The following FAM13B variants were observed in gnomAD, a reference collection of about 807,000 sequenced individuals.
The protein encoded by FAM13B is family with sequence similarity 13 member B, also known as protein FAM13B.
A neutral mutation model predicts 117.3 loss-of-function variants in FAM13B; 60 were observed. The observed-to-expected ratio is 0.51, with a 90% CI of 0.42 to 0.63. The LOEUF (loss-of-function observed/expected upper bound fraction) is 0.63. Ranked by LOEUF, FAM13B falls within the 30% of genes least tolerant of loss-of-function variation. The probability of loss-of-function intolerance (pLI) is 0.00; values close to 1 mark genes in which losing one functional copy is unlikely to be tolerated. For missense variants in FAM13B, 972 were observed against 1,091.9 expected (o/e 0.89, Z 1.55); for synonymous variants, 332 against 356.1 (o/e 0.93, Z 0.76).
At chr5:137,981,075 C>A (rs904850507) in intron 10 of FAM13B, among the ~76,000 whole-genome samples, 4 of 98,692 alleles carry the variant, frequency 4.1e-5, no homozygotes, top group African/African-American at 1.6e-4. Flanking sequence ...CTACACCTGG[C>A]TATTTTTTTT....
At chr5:137,975,980 C>CT (rs57478594) in intron 10 of FAM13B, among the ~76,000 whole-genome samples, 15 of 110,190 alleles carry the variant, frequency 1.4e-4, no homozygotes, top group African/African-American at 4.4e-4. Flanking sequence ...TCAACTCTTC[C>CT]TTTTTTTTTT....
At chr5:137,958,963 T>A (rs992434508) in intron 13 of FAM13B, among the ~76,000 whole-genome samples, 1 of 152,238 alleles carries the variant, frequency 6.6e-6, no homozygotes, top group Non-Finnish European at 1.5e-5. Context: ...GTTCAGCATT[T>A]GTTTACAGTT....
chr5:137,991,089 A>G (rs1211669639), intron 7 of FAM13B, among the ~76,000 whole-genome samples: 4 of 152,290 alleles, frequency 2.6e-5, no homozygotes, highest in Non-Finnish European at 5.9e-5. Flanking sequence ...TCTCTGTAGC[A>G]TTTTTCCAAT....
intron 10 of FAM13B, among the ~76,000 whole-genome samples, chr5:137,963,650 C>A (rs1001139551): frequency 1.3e-5 from 2 of 152,134 alleles, no homozygotes; most frequent in African/African-American, 4.8e-5. Context: ...GTCCCCAACC[C>A]CTGGACCGGT....
rs1180976369 is a variant in FAM13B, at chr5:137,985,329, A to G, written c.1107T>C (p.Pro369=). Residue 369 remains proline, a synonymous_variant, in exon 10 of 24, where the codon CCT becomes CCC. Coordinates refer to ENST00000689681, the MANE Select transcript of FAM13B (RefSeq NM_001385994.1). The part of the protein sequence containing the change: ...ASESNRDCSK[P]VASTNLDNEA... ...CATTGTCTAAATTAGTGCTAGCCAC[A>G]GGTTTTGAACAGTCTCTGTTACTTT... is the stretch of plus-strand genomic sequence containing the variant. The G allele has an allele frequency of 1.2e-6, 2 of 1,613,690 alleles. No individual in the cohort carries two copies. Among genetic ancestry groups the G allele is most frequent in the East Asian group, 2.2e-5 (1 of 44,860 alleles).
intron 10 of FAM13B, among the ~76,000 whole-genome samples, chr5:137,977,753 C>T (rs1774435567): frequency 6.6e-6 from 1 of 152,228 alleles, no homozygotes; most frequent in Non-Finnish European, 1.5e-5. Context: ...ACCTACTCAC[C>T]TGATATTCAT....
chr5:138,046,177 C>T (rs1471482708), intron 1 of FAM13B, among the ~76,000 whole-genome samples: 4 of 152,184 alleles, frequency 2.6e-5, no homozygotes, highest in Non-Finnish European at 5.9e-5. Context: ...CTGCCATCCA[C>T]ATAAGATGTG....
intron 18 of FAM13B, 41 bp from the exon 19 acceptor site, chr5:137,946,352 AAAAC>A: frequency 1.3e-5 from 17 of 1,359,416 alleles, no homozygotes; most frequent in African/African-American, 1.5e-5. Context: ...CAAAAAAAAA[AAAAC>A]AAAAACAAAA....
chr5:137,941,844 T>A, intron 23 of FAM13B, 100 bp downstream of exon 23: 1 of 984,696 alleles, frequency 1.0e-6, no homozygotes, highest in Non-Finnish European at 1.5e-6. Flanking sequence ...TAGCATCCTA[T>A]ATGCACAATT....
intron 9 of FAM13B, among the ~76,000 whole-genome samples, chr5:137,986,896 G>A (rs765015654): frequency 2.6e-5 from 4 of 152,204 alleles, no homozygotes; most frequent in Non-Finnish European, 4.4e-5. Flanking sequence ...TGAGTATCAT[G>A]TCAGTGCTCA....
At position 138,006,842 on chromosome 5, in the gene FAM13B, GCATCTTT is replaced by G. The variant is rs1782681790; in HGVS notation, c.848+141_848+147del. On this transcript the variant is annotated intron_variant, in intron 7 of 23. Coordinates refer to ENST00000689681, the MANE Select transcript of FAM13B (RefSeq NM_001385994.1). ...TAACTGAAAATTCCTTAGCAAGACT[GCATCTTT>G]AAATTTTACTTCTTGCTCTTTTTCA... is the stretch of plus-strand genomic sequence containing the variant. 1.1e-5 allele frequency: 7 copies of G among 662,146 alleles called. No individual in the cohort carries two copies. In the East Asian group the frequency reaches 2.0e-4, roughly 19 times the overall value. The allele number at this position is 662,146 out of a possible 1,614,324, so 41.0% of individuals were successfully genotyped here.
chr5:137,951,870 G>A (rs981530014), intron 17 of FAM13B, among the ~76,000 whole-genome samples: 5 of 151,838 alleles, frequency 3.3e-5, no homozygotes, highest in African/African-American at 9.7e-5. Context: ...CCAGCTACTC[G>A]GGAGGCTAAG....
Position 137,939,660 on chromosome 5 carries a change from G to C in FAM13B, c.*565C>G, listed in dbSNP as rs1450392928. On this transcript the variant is annotated 3_prime_UTR_variant, in exon 24 of 24. Coordinates refer to ENST00000689681, the MANE Select transcript of FAM13B (RefSeq NM_001385994.1). Reference sequence around the variant, plus strand: ...TTTACTAACATACTACCTGTGAGAAGATGTCACTTTGGGAATTAAACAGAA... The same window carrying C: ...TTTACTAACATACTACCTGTGAGAACATGTCACTTTGGGAATTAAACAGAA... 1 of 179,120 alleles carries C rather than the reference G, an allele frequency of 5.6e-6. No individual in the cohort carries two copies. The highest frequency in any genetic ancestry group is 1.1e-5 in the Non-Finnish European group (1 of 87,756). The allele number at this position is 179,120 out of a possible 1,614,324, so 11.1% of individuals were successfully genotyped here. A position where few individuals can be genotyped will look rare whatever the true frequency, so the allele number is the denominator to read the frequency against.
intron 8 of FAM13B, 89 bp from the exon 9 acceptor site, chr5:137,987,705 A>C: frequency 7.9e-7 from 1 of 1,259,640 alleles, no homozygotes; most frequent in Middle Eastern, 2.3e-4. Flanking sequence ...ATGACCAGTA[A>C]AACTATTATG....
intron 17 of FAM13B, among the ~76,000 whole-genome samples, chr5:137,949,481 T>A (rs1474524759): frequency 1.3e-5 from 2 of 151,558 alleles, no homozygotes; most frequent in Non-Finnish European, 2.9e-5. Flanking sequence ...CTACAAAAAA[T>A]TTTTTAAATT....
At chr5:137,954,456 G>T in intron 14 of FAM13B, 80 bp from the exon 15 acceptor site, 2 of 1,048,736 alleles carry the variant, frequency 1.9e-6, no homozygotes, top group Non-Finnish European at 2.8e-6. Flanking sequence ...TCAGCTATGT[G>T]TTCCTTAAAT....
chr5:138,021,253 C>G (rs1056052604), intron 1 of FAM13B, 56 bp from the exon 2 acceptor site: 1 of 1,180,834 alleles, frequency 8.5e-7, no homozygotes, highest in African/African-American at 1.6e-5. Flanking sequence ...TCAGAAGAGA[C>G]TATTAATAGA....
chr5:137,943,978 T>C (rs920708943), intron 20 of FAM13B, among the ~76,000 whole-genome samples: 4 of 152,182 alleles, frequency 2.6e-5, no homozygotes, highest in African/African-American at 9.7e-5. Context: ...TTTCGGAACG[T>C]TTCATTACCT....
At position 138,018,307 on chromosome 5, in the gene FAM13B, G is replaced by A. The variant is rs1785760527; in HGVS notation, c.365C>T (p.Ser122Phe). ...GSLHIHLMQL[S>F]QDYNNEDEFG... is the part of the protein sequence containing the mutation. ...TAAGTATCAAATTATGTTACCTTGA[G>A]AAAGCTGCATCAAGTGAATATGTAA... The change falls in exon 4 of 24, where the codon TCT becomes TTT. Residue 122 changes from serine (S) to phenylalanine (F), a missense_variant. Coordinates refer to ENST00000689681, the MANE Select transcript of FAM13B (RefSeq NM_001385994.1). The A allele has an allele frequency of 6.2e-7, 1 of 1,613,214 alleles. No individual in the cohort carries two copies. Among genetic ancestry groups the A allele is most frequent in the Non-Finnish European group, 8.5e-7 (1 of 1,179,232 alleles).
Sources: allele counts gnomAD v4.1 joint callset (sites outside exome capture counted in the v4.1 genomes callset), GRCh38; gene constraint gnomAD v4.1.1; transcripts MANE v1.5; gene names NCBI Gene and HGNC (gene_info 2026-07-23, HGNC 2026-07-21).